Variants in ADCY5 observed in about 807,000 individuals in gnomAD.
ADCY5 encodes adenylate cyclase type 5.
A neutral mutation model predicts 119.7 loss-of-function variants in ADCY5; 30 were observed. That is an observed-to-expected ratio of 0.25 (90% confidence interval 0.19 to 0.34). ADCY5 has a LOEUF of 0.34. Ranked by LOEUF, ADCY5 falls within the 10% of genes least tolerant of loss-of-function variation. The probability of loss-of-function intolerance (pLI) is 1.00; values close to 1 mark genes in which losing one functional copy is unlikely to be tolerated. For synonymous variants in ADCY5, 753 were observed against 762.2 expected (o/e 0.99, Z 0.20); for missense variants, 1,324 against 1,775.2 (o/e 0.75, Z 4.57).
chr3:123,287,471 T>C (rs989374148), intron 19 of ADCY5, among the ~76,000 whole-genome samples: 3 of 152,204 alleles, frequency 2.0e-5, no homozygotes, highest in Non-Finnish European at 2.9e-5. Context: ...TCCCTAGACA[T>C]TTCCTGTCCT....
In ADCY5 at chr3:123,284,669, T is replaced by C. The variant is rs758039365; in HGVS notation, c.3725A>G (p.Lys1242Arg). ...TYQLECRGVV[K>R]VKGKGEMMTY... ...CATCATCTCGCCTTTGCCCTTGACC[T>C]TGACCACGCCCCGGCACTCCAGCTG... The change falls in exon 21 of 21, where the codon AAG becomes AGG. Residue 1242 changes from lysine (K) to arginine (R), a missense_variant. Lys to Arg is a conservative substitution (Grantham distance 26, BLOSUM62 2). Transcript: ENST00000462833. 5 of 1,614,226 alleles carry C rather than the reference T, an allele frequency of 3.1e-6. No individual in the cohort carries two copies. Among genetic ancestry groups the C allele is most frequent in the Non-Finnish European group, 4.2e-6 (5 of 1,180,034 alleles).
At chr3:123,308,112 C>A (rs1940307729) in intron 12 of ADCY5, among the ~76,000 whole-genome samples, 1 of 142,178 alleles carries the variant, frequency 7.0e-6, no homozygotes, top group Non-Finnish European at 1.5e-5. Context: ...CGGCTCACTG[C>A]AAGCTCCGCC....
chr3:123,300,437 T>C, intron 14 of ADCY5, 142 bp from the exon 15 acceptor site: 2 of 970,618 alleles, frequency 2.1e-6, no homozygotes, highest in Non-Finnish European at 1.5e-6. Flanking sequence ...CCAACAGGTG[T>C]GATATAAAGT....
At chr3:123,337,370 G>A (rs557307530) in intron 3 of ADCY5, among the ~76,000 whole-genome samples, 3 of 152,304 alleles carry the variant, frequency 2.0e-5, no homozygotes, top group African/African-American at 7.2e-5. Flanking sequence ...AGACATGAAA[G>A]GTGCCCCCGG....
chr3:123,356,164 A>G (rs1385501623), intron 1 of ADCY5, among the ~76,000 whole-genome samples: 1 of 152,188 alleles, frequency 6.6e-6, no homozygotes, highest in African/African-American at 2.4e-5. Flanking sequence ...TGAATCAGAG[A>G]CCCAAATATG....
At chr3:123,420,893 T>C (rs950686551) in intron 1 of ADCY5, among the ~76,000 whole-genome samples, 1 of 152,182 alleles carries the variant, frequency 6.6e-6, no homozygotes, top group Admixed American at 6.5e-5. Context: ...GTTCCCTGCC[T>C]CTCTCCTGGC....
At chr3:123,302,471 T>C (rs967302466) in intron 14 of ADCY5, among the ~76,000 whole-genome samples, 21 of 152,180 alleles carry the variant, frequency 1.4e-4, no homozygotes, top group African/African-American at 4.8e-4. Flanking sequence ...AGGTTTATAG[T>C]AGTGCTGGTT....
intron 1 of ADCY5, among the ~76,000 whole-genome samples, chr3:123,395,882 T>A (rs28473505): frequency 0.062 from 8,529 of 137,932 alleles, 578 homozygotes; most frequent in African/African-American, 0.17. Flanking sequence ...AGATCCTGTC[T>A]CAAAAAAAGA....
chr3:123,302,031 G>C (rs1939882062), intron 14 of ADCY5, among the ~76,000 whole-genome samples: 1 of 152,232 alleles, frequency 6.6e-6, no homozygotes, highest in Non-Finnish European at 1.5e-5. Context: ...TCCCAGGCTG[G>C]GTGGGGGGCC....
At chr3:123,390,853 T>C (rs187218419) in intron 1 of ADCY5, among the ~76,000 whole-genome samples, 10 of 152,280 alleles carry the variant, frequency 6.6e-5, no homozygotes, top group Middle Eastern at 3.4e-3. Context: ...ATCTCTGAGG[T>C]CTGCTCTCAC....
intron 1 of ADCY5, among the ~76,000 whole-genome samples, chr3:123,380,610 T>C (rs1276406354): frequency 6.6e-6 from 1 of 152,188 alleles, no homozygotes; most frequent in Non-Finnish European, 1.5e-5. Context: ...GATCCTGTCC[T>C]TCCCCATGAG....
intron 1 of ADCY5, among the ~76,000 whole-genome samples, chr3:123,431,558 C>T (rs1945523600): frequency 6.6e-6 from 1 of 152,200 alleles, no homozygotes; most frequent in Non-Finnish European, 1.5e-5. Context: ...GTGAGGTTTG[C>T]TGCTCTGCTA....
intron 8 of ADCY5, among the ~76,000 whole-genome samples, chr3:123,321,935 C>T (rs547481215): frequency 3.6e-4 from 55 of 152,296 alleles, no homozygotes; most frequent in African/African-American, 1.0e-3. Context: ...CTGCCAGCAC[C>T]GGCCCAGGAT....
At chr3:123,291,472 C>G in intron 17 of ADCY5, 96 bp from the exon 18 acceptor site, 10 of 1,472,114 alleles carry the variant, frequency 6.8e-6, no homozygotes, top group Non-Finnish European at 9.2e-6. Context: ...GAAAAAGCAC[C>G]AGTCACGCAA....
rs544505310 is a variant in ADCY5, at chr3:123,434,730, G to A, written c.1134+12682C>T. Among the ~76,000 whole-genome samples, 3 of 152,222 alleles carry A rather than the reference G, an allele frequency of 2.0e-5. No homozygotes were observed. The South Asian group carries it at 6.2e-4, about 32-fold the overall frequency. On this transcript the variant is annotated intron_variant, in intron 1 of 20. Coordinates refer to ENST00000462833, the MANE Select transcript of ADCY5 (RefSeq NM_183357.3). The stretch of plus-strand genomic sequence containing the variant: ...CTGGGGTGGGCCTTGTTAAGGTATA[G>A]TTTCAAAACTCCCCAGGGGATTCAA...
chr3:123,311,792 G>C lies in ADCY5; in HGVS notation c.2442+2443C>G, dbSNP rs925169119. Among the ~76,000 whole-genome samples the C allele has an allele frequency of 3.3e-5, 5 of 152,146 alleles. No individual in the cohort carries two copies. The East Asian group carries it at 5.8e-4, about 18-fold the overall frequency. On this transcript the variant is annotated intron_variant, in intron 12 of 20. Coordinates refer to ENST00000462833, the MANE Select transcript of ADCY5 (RefSeq NM_183357.3). ...TCCCTGGCTGGATGGTGTGGGACTG[G>C]GGGGACAGTGTTTGTGTGGCCTGGG...
chr3:123,345,757 G>GAC (rs1231817435), intron 3 of ADCY5, among the ~76,000 whole-genome samples: 1,489 of 60,918 alleles, frequency 0.024, 17 homozygotes, highest in South Asian at 0.047. Context: ...CAGACAGACA[G>GAC]ACAGACAGAC....
At chr3:123,332,728 TC>T in intron 3 of ADCY5, 53 bp from the exon 4 acceptor site, 1 of 1,201,052 alleles carries the variant, frequency 8.3e-7, no homozygotes, top group Admixed American at 1.8e-5. Context: ...TCTTTGTGTC[TC>T]CCAAATTCAT....
intron 12 of ADCY5, among the ~76,000 whole-genome samples, chr3:123,309,367 G>A (rs1045488149): frequency 3.9e-5 from 6 of 152,210 alleles, no homozygotes; most frequent in African/African-American, 1.4e-4. Flanking sequence ...GGGTCCCCAC[G>A]CCAGTGCTCT....
Sources: allele counts gnomAD v4.1 joint callset (sites outside exome capture counted in the v4.1 genomes callset), GRCh38; gene constraint gnomAD v4.1.1; transcripts MANE v1.5; gene names NCBI Gene and HGNC (gene_info 2026-07-23, HGNC 2026-07-21).